The following AFAP1L2 variants were observed in gnomAD, a reference collection of about 807,000 sequenced individuals.
The protein encoded by AFAP1L2 is actin filament-associated protein 1-like 2.
A neutral mutation model predicts 99.3 loss-of-function variants in AFAP1L2; 46 were observed. The observed-to-expected ratio is 0.46, with a 90% CI of 0.37 to 0.59. AFAP1L2 has a LOEUF of 0.59. AFAP1L2 is among the 20% of genes least tolerant of loss of function. The pLI is 0.00. For synonymous variants in AFAP1L2, 397 were observed against 419.1 expected, an observed-to-expected ratio of 0.95 and a Z score of 0.64; for missense variants, 959 against 1,034.9, an observed-to-expected ratio of 0.93 and a Z score of 1.01.
intron 1 of AFAP1L2, among the ~76,000 whole-genome samples, chr10:114,342,272 T>TG (rs555263893): frequency 2.1e-3 from 321 of 152,068 alleles, no homozygotes; most frequent in African/African-American, 7.3e-3. Flanking sequence ...TGGGGTGAGG[T>TG]GGGGAGCCCT....
At chr10:114,282,134 G>A in the AFAP1L2 span, among the ~76,000 whole-genome samples, 550 of 152,108 alleles carry the variant, frequency 3.6e-3, 2 homozygotes, top group African/African-American at 0.012. Context: ...AGCCTGCTAA[G>A]CTGGGATTAC....
At chr10:114,324,404 C>G (rs113149980) in intron 4 of AFAP1L2, among the ~76,000 whole-genome samples, 88,272 of 141,580 alleles carry the variant, frequency 0.62, 32,821 homozygotes, top group East Asian at 0.94. Flanking sequence ...CCACCCCCCC[C>G]CCCCCCCCGG....
At chr10:114,386,114 A>G (rs959569202) in intron 1 of AFAP1L2, among the ~76,000 whole-genome samples, 2 of 152,236 alleles carry the variant, frequency 1.3e-5, no homozygotes, top group African/African-American at 4.8e-5. Context: ...TTGCTGTGAG[A>G]CAGGTAAGTT....
chr10:114,320,569 C>G (rs977989220), intron 5 of AFAP1L2, among the ~76,000 whole-genome samples: 6 of 152,204 alleles, frequency 3.9e-5, no homozygotes, highest in Admixed American at 3.9e-4. Context: ...TGTTCCCTCC[C>G]ACCTCGCAGC....
rs541359281 is a variant in AFAP1L2, at chr10:114,295,077, C to G, written c.*965G>C. ...GACAGGGGCAGCACAAGGAACAGCA[C>G]TGCCAATTTTAAGAGGGCGATCACC... On this transcript the variant is annotated 3_prime_UTR_variant, in exon 19 of 19. Transcript: ENST00000304129. 1.1e-5 allele frequency: 11 copies of G among 983,482 alleles called. No homozygotes were observed. The East Asian group carries it at 1.3e-3, about 112-fold the overall frequency. The allele number at this position is 983,482 out of a possible 1,614,324, so 60.9% of individuals were successfully genotyped here.
At chr10:114,384,076 C>G (rs2093372) in intron 1 of AFAP1L2, among the ~76,000 whole-genome samples, 4 of 152,174 alleles carry the variant, frequency 2.6e-5, no homozygotes, top group Admixed American at 2.0e-4. Context: ...CTAAAAGGAC[C>G]GGACCCTCTC....
intron 4 of AFAP1L2, among the ~76,000 whole-genome samples, chr10:114,326,230 G>T (rs534183736): frequency 6.6e-6 from 1 of 152,260 alleles, no homozygotes; most frequent in East Asian, 1.9e-4. Context: ...GCTACGCGAG[G>T]TGTGCAAAAT....
intron 1 of AFAP1L2, among the ~76,000 whole-genome samples, chr10:114,403,745 C>T (rs373158064): frequency 1.3e-5 from 2 of 152,202 alleles, no homozygotes; most frequent in South Asian, 2.1e-4. Context: ...TCCTGGCCCC[C>T]GCCAAACCCA....
At chr10:114,306,817 T>C (rs2042528429) in intron 10 of AFAP1L2, among the ~76,000 whole-genome samples, 2 of 152,006 alleles carry the variant, frequency 1.3e-5, no homozygotes, top group Non-Finnish European at 2.9e-5. Context: ...CAGCCACATC[T>C]CTTAAACAGT....
At chr10:114,310,157 C>G (rs2043004353) in intron 8 of AFAP1L2, among the ~76,000 whole-genome samples, 197 bp downstream of exon 8, 1 of 152,194 alleles carries the variant, frequency 6.6e-6, no homozygotes, top group African/African-American at 2.4e-5. Flanking sequence ...AAATCCCTGA[C>G]TTCAGGTGAT....
Position 114,301,432 on chromosome 10 carries a change from A to C in AFAP1L2, c.1464T>G (p.Thr488=). 1 of 1,614,192 alleles carries C rather than the reference A, an allele frequency of 6.2e-7. No homozygotes were observed. Among genetic ancestry groups the C allele is most frequent in the South Asian group, 1.1e-5 (1 of 91,080 alleles). ...LMQRKFSEPN[T]YIDGLPSQDR... is the part of the protein sequence containing the mutation. ...CCTGGCTAGGCAGGCCATCGATGTA[A>C]GTGTTGGGCTCTGAGAACTTTCTCT... Residue 488 remains threonine, a synonymous_variant, in exon 13 of 19, where the codon ACT becomes ACG. Transcript: ENST00000304129.
chr10:114,323,118 T>A, intron 5 of AFAP1L2, 53 bp downstream of exon 5: 1 of 1,496,508 alleles, frequency 6.7e-7, no homozygotes, highest in Non-Finnish European at 9.1e-7. Context: ...TGCACCAACA[T>A]CTGTGCAGGA....
chr10:114,393,834 G>A (rs868178057), intron 1 of AFAP1L2, among the ~76,000 whole-genome samples: 30 of 152,364 alleles, frequency 2.0e-4, no homozygotes, highest in South Asian at 6.2e-4. Context: ...GCGCTTGCCC[G>A]CTGAGAAGCA....
At chr10:114,303,295 G>A (rs2041549221) in intron 11 of AFAP1L2, among the ~76,000 whole-genome samples, 1 of 152,024 alleles carries the variant, frequency 6.6e-6, no homozygotes, top group African/African-American at 2.4e-5. Flanking sequence ...ACATTTAGTT[G>A]GTTTCCTTTT....
chr10:114,399,373 C>T (rs2058036386), intron 1 of AFAP1L2, among the ~76,000 whole-genome samples: 1 of 152,094 alleles, frequency 6.6e-6, no homozygotes, highest in Non-Finnish European at 1.5e-5. Context: ...TGGGCTAGGT[C>T]CTGAAGATTG....
At chr10:114,289,827 C>T (rs559399071), downstream of AFAP1L2, 36 of 377,514 alleles carry the variant, frequency 9.5e-5, no homozygotes, top group Non-Finnish European at 1.7e-4. Flanking sequence ...TGGGCAGTGA[C>T]AGAGCCCAGA....
At chr10:114,383,089 A>C (rs751308259) in intron 1 of AFAP1L2, among the ~76,000 whole-genome samples, 1 of 152,240 alleles carries the variant, frequency 6.6e-6, no homozygotes, top group Non-Finnish European at 1.5e-5. Context: ...AGGAAAAAAA[A>C]GATCAACAGT....
At chr10:114,361,574 G>C (rs979371533) in intron 1 of AFAP1L2, among the ~76,000 whole-genome samples, 1 of 152,174 alleles carries the variant, frequency 6.6e-6, no homozygotes, top group Non-Finnish European at 1.5e-5. Context: ...TGAACAGAGA[G>C]GCTAGGACAC....
At chr10:114,311,539 C>T (rs2043236703) in intron 7 of AFAP1L2, among the ~76,000 whole-genome samples, 2 of 152,232 alleles carry the variant, frequency 1.3e-5, no homozygotes, top group Non-Finnish European at 2.9e-5. Flanking sequence ...TGAGCCTGAG[C>T]CTCAGCCACT....
Sources: allele counts gnomAD v4.1 joint callset (sites outside exome capture counted in the v4.1 genomes callset), GRCh38; gene constraint gnomAD v4.1.1; transcripts MANE v1.5; gene names NCBI Gene and HGNC (gene_info 2026-07-23, HGNC 2026-07-21).